The following DENND2A variants were observed in gnomAD, a reference collection of about 807,000 sequenced individuals.
DENND2A encodes DENN domain-containing protein 2A.
DENND2A carries 53 observed loss-of-function variants against 105.3 expected under a neutral mutation model. The ratio of observed to expected loss-of-function variants is 0.50; its 90% confidence interval spans 0.40 to 0.63. The LOEUF (loss-of-function observed/expected upper bound fraction) is 0.63. DENND2A is among the 30% of genes least tolerant of loss of function. DENND2A has a pLI of 0.00. For missense variants in DENND2A, 1,138 were observed against 1,279.6 expected (o/e 0.89, Z 1.69); for synonymous variants, 522 against 508.4 (o/e 1.03, Z -0.36).
In DENND2A at chr7:140,601,966, C is replaced by T. The variant is rs751256899; in HGVS notation, c.432G>A (p.Glu144=). The T allele has an allele frequency of 6.2e-6, 10 of 1,614,216 alleles. No homozygotes were observed. The highest frequency in any genetic ancestry group is 3.3e-4 in the Middle Eastern group (2 of 6,062). ...GAAAGCGTAGCTTGCCAAGTCTTGG[C>T]TCTCGGCCTCGGCCCCAGCTAGGAT... ...EVDPSWGRGR[E]PRLGKLRFQN... Residue 144 remains glutamate, a synonymous_variant, in exon 3 of 20, where the codon GAG becomes GAA. Coordinates refer to ENST00000496613, the MANE Select transcript of DENND2A (RefSeq NM_015689.5).
At chr7:140,564,300 C>T (rs1165922783) in intron 9 of DENND2A, among the ~76,000 whole-genome samples, 2 of 148,420 alleles carry the variant, frequency 1.3e-5, no homozygotes, top group African/African-American at 4.9e-5. Flanking sequence ...AAAAAAAATA[C>T]ACACACACAC....
intron 14 of DENND2A, among the ~76,000 whole-genome samples, chr7:140,539,743 C>T (rs904511473): frequency 3.3e-5 from 5 of 152,262 alleles, no homozygotes; most frequent in Admixed American, 1.3e-4. Context: ...GGCCACTCCA[C>T]GCCCCGTCGC....
intron 19 of DENND2A, 72 bp from the exon 20 acceptor site, chr7:140,518,810 C>T: frequency 1.3e-6 from 2 of 1,530,152 alleles, no homozygotes; most frequent in Non-Finnish European, 1.8e-6. Context: ...GCCCTTTCCA[C>T]CCAGAAGTGG....
intron 14 of DENND2A, among the ~76,000 whole-genome samples, chr7:140,534,775 G>A (rs542010806): frequency 7.9e-5 from 12 of 152,270 alleles, no homozygotes; most frequent in South Asian, 2.1e-4. Flanking sequence ...GTCCTCACTC[G>A]CAGCTGGCTT....
At chr7:140,521,797 C>T (rs1261498994) in intron 18 of DENND2A, 58 bp downstream of exon 18, 12 of 1,597,268 alleles carry the variant, frequency 7.5e-6, no homozygotes, top group Middle Eastern at 1.7e-4. Flanking sequence ...ACTCATCAGC[C>T]GCCTGGAATA....
chr7:140,577,008 G>A (rs1333219096), intron 5 of DENND2A, among the ~76,000 whole-genome samples: 1 of 152,200 alleles, frequency 6.6e-6, no homozygotes, highest in Non-Finnish European at 1.5e-5. Flanking sequence ...AGAAGGAATG[G>A]AAACACAACA....
intron 14 of DENND2A, among the ~76,000 whole-genome samples, chr7:140,536,008 C>T (rs1021571361): frequency 1.1e-4 from 16 of 152,230 alleles, no homozygotes; most frequent in African/African-American, 3.4e-4. Flanking sequence ...GTAATTCTAG[C>T]GCTCCTTAGC....
chr7:140,598,402 C>T (rs57916123), intron 3 of DENND2A, among the ~76,000 whole-genome samples: 7,117 of 152,180 alleles, frequency 0.047, 521 homozygotes, highest in African/African-American at 0.16. Context: ...AAGTTAGGGG[C>T]GAAGTAAGAC....
intron 1 of DENND2A, among the ~76,000 whole-genome samples, chr7:140,631,795 G>T (rs1033443798): frequency 2.6e-5 from 4 of 152,144 alleles, no homozygotes; most frequent in African/African-American, 9.7e-5. Flanking sequence ...ATTAAGTAGA[G>T]AATCCCTCTG....
In DENND2A at chr7:140,559,937, T is replaced by C. The variant is rs1435575805; in HGVS notation, c.1780-120A>G. 3.9e-6 allele frequency: 3 copies of C among 760,744 alleles called. No homozygotes were observed. The highest frequency in any genetic ancestry group is 3.5e-5 in the African/African-American group (2 of 57,548). The allele number at this position is 760,744 out of a possible 1,614,324, so 47.1% of individuals were successfully genotyped here. On this transcript the variant is annotated intron_variant, in intron 9 of 19. Coordinates refer to ENST00000496613, the MANE Select transcript of DENND2A (RefSeq NM_015689.5). This position sits in a 1 kb window ranked among gnomAD's most constrained non-coding sequence, Gnocchi z 4.1. ...CATTTGTGACTGCCGCCTTAGCCTC[T>C]TCCCTTGGGAAGAGCTTGCAGCTCA...
At chr7:140,621,518 A>T (rs1800292375) in intron 1 of DENND2A, among the ~76,000 whole-genome samples, 1 of 144,244 alleles carries the variant, frequency 6.9e-6, no homozygotes, top group South Asian at 2.2e-4. Context: ...TCTGCAATGT[A>T]ACACGTTCTG....
rs754786440 is a variant in DENND2A at position 140,573,998 on chromosome 7, G to C, written c.1256C>G (p.Ser419Cys). ...ATTTTGTCGGAAAAAAGCAGGTTTGGACAATGACTGCTGTGAAGGAAAAGG... is the reference window on the plus strand; with the variant it reads ...ATTTTGTCGGAAAAAAGCAGGTTTGCACAATGACTGCTGTGAAGGAAAAGG... ...IPDTLTKQSL[S>C]KPAFFRQNSE... The change falls in exon 6 of 20, where the codon TCC becomes TGC. Residue 419 changes from serine to cysteine, a missense_variant. By Grantham distance (112) the Ser-to-Cys change is moderately radical (BLOSUM62 -1). This residue lies in a region of DENND2A where 627 missense variants were observed against 779.8 expected (regional missense o/e 0.80). Coordinates refer to ENST00000496613, the MANE Select transcript of DENND2A (RefSeq NM_015689.5). 9.9e-6 allele frequency: 16 copies of C among 1,614,090 alleles called. No individual in the cohort carries two copies. The South Asian group carries it at 1.5e-4, about 16-fold the overall frequency.
At chr7:140,531,287 TG>T (rs1796255077) in intron 14 of DENND2A, among the ~76,000 whole-genome samples, 1 of 152,236 alleles carries the variant, frequency 6.6e-6, no homozygotes, top group South Asian at 2.1e-4. Flanking sequence ...GCTATGCTCG[TG>T]TGCTATGGTT....
intron 9 of DENND2A, among the ~76,000 whole-genome samples, chr7:140,563,134 A>G (rs1797697420): frequency 1.3e-5 from 2 of 152,224 alleles, no homozygotes; most frequent in Non-Finnish European, 2.9e-5. Context: ...ATACCAAATG[A>G]GTTTCTCCAC....
chr7:140,616,751 T>C (rs1452439980), intron 1 of DENND2A, among the ~76,000 whole-genome samples: 1 of 152,222 alleles, frequency 6.6e-6, no homozygotes, highest in African/African-American at 2.4e-5. Context: ...TTCACAGGCA[T>C]AGTAATAAGA....
intron 6 of DENND2A, among the ~76,000 whole-genome samples, chr7:140,569,955 C>T (rs1435269686): frequency 4.6e-5 from 7 of 151,954 alleles, no homozygotes; most frequent in Admixed American, 2.6e-4. Context: ...GGTGCAATGG[C>T]GCAATCTCAG....
At chr7:140,564,922 G>T (rs547378818) in intron 9 of DENND2A, among the ~76,000 whole-genome samples, 1 of 152,254 alleles carries the variant, frequency 6.6e-6, no homozygotes, top group South Asian at 2.1e-4. Flanking sequence ...TTACCCATGG[G>T]CAGCCCCCGG....
intron 3 of DENND2A, among the ~76,000 whole-genome samples, chr7:140,597,331 C>T (rs1240499627): frequency 6.6e-6 from 1 of 152,140 alleles, no homozygotes; most frequent in Non-Finnish European, 1.5e-5. Context: ...TTTCTTCAAC[C>T]TTGGTTTGGC....
chr7:140,607,162 C>T (rs529300582), intron 1 of DENND2A, among the ~76,000 whole-genome samples: 2 of 152,304 alleles, frequency 1.3e-5, no homozygotes, highest in Non-Finnish European at 2.9e-5. Context: ...GATTCCTACC[C>T]TATTTCCCAG....
Sources: allele counts gnomAD v4.1 joint callset (sites outside exome capture counted in the v4.1 genomes callset), GRCh38; gene constraint gnomAD v4.1.1; regional missense constraint gnomAD v4.1.1; non-coding constraint Gnocchi (gnomAD v3.1); transcripts MANE v1.5; gene names NCBI Gene and HGNC (gene_info 2026-07-23, HGNC 2026-07-21).